The following MED13L variants were observed in gnomAD, a reference collection of about 807,000 sequenced individuals.
The protein encoded by MED13L is mediator of RNA polymerase II transcription subunit 13-like.
MED13L carries 7 observed loss-of-function variants against 220.9 expected under a neutral mutation model. The ratio of observed to expected loss-of-function variants is 0.03; its 90% confidence interval spans 0.02 to 0.06. MED13L has a LOEUF of 0.06. Among genes scored for constraint, MED13L ranks in the 10% least tolerant of loss-of-function variants. The probability of loss-of-function intolerance (pLI) is 1.00; values close to 1 mark genes in which losing one functional copy is unlikely to be tolerated. For synonymous variants in MED13L, 1,011 were observed against 1,015.2 expected (o/e 1.00, Z 0.08); for missense variants, 1,965 against 2,760.5 (o/e 0.71, Z 6.46).
At chr12:116,202,382 C>T (rs1882055185) in intron 2 of MED13L, among the ~76,000 whole-genome samples, 2 of 152,226 alleles carry the variant, frequency 1.3e-5, no homozygotes, top group African/African-American at 2.4e-5. Flanking sequence ...AATCATTTTA[C>T]AGAGCTTAAG....
chr12:116,265,688 C>T lies in MED13L; in HGVS notation c.72+11372G>A, dbSNP rs188924999. Among the ~76,000 whole-genome samples, 5 of 152,240 alleles carry T rather than the reference C, an allele frequency of 3.3e-5. No homozygotes were observed. In the East Asian group the frequency reaches 7.7e-4, roughly 23 times the overall value. Reference sequence around the variant, plus strand: ...AACATCATTTCTTAATCTAAATTGGCCTGCCCACACTTCAAATTTTCCACC... The same window carrying T: ...AACATCATTTCTTAATCTAAATTGGTCTGCCCACACTTCAAATTTTCCACC... On this transcript the variant is annotated intron_variant, in intron 1 of 30. Transcript: ENST00000281928.
intron 2 of MED13L, among the ~76,000 whole-genome samples, chr12:116,165,937 C>T (rs1484535883): frequency 1.3e-5 from 2 of 152,170 alleles, no homozygotes; most frequent in Non-Finnish European, 2.9e-5. Flanking sequence ...GTCTTTCGTT[C>T]CTGGAATACA....
intron 1 of MED13L, among the ~76,000 whole-genome samples, chr12:116,268,154 C>A (rs1395886500): frequency 6.6e-6 from 1 of 152,136 alleles, no homozygotes; most frequent in Non-Finnish European, 1.5e-5. Flanking sequence ...CCTGCAGAAG[C>A]TCATCTGATG....
At chr12:116,263,923 A>C (rs529699985) in intron 1 of MED13L, among the ~76,000 whole-genome samples, 120 of 152,312 alleles carry the variant, frequency 7.9e-4, no homozygotes, top group South Asian at 3.5e-3. Flanking sequence ...TATGAAAACA[A>C]AGTACACTGA....
chr12:116,257,256 G>A (rs551872648), intron 1 of MED13L, among the ~76,000 whole-genome samples: 7 of 152,092 alleles, frequency 4.6e-5, no homozygotes, highest in African/African-American at 7.2e-5. Context: ...TATTATTTAC[G>A]AGGCAGGCAC....
At chr12:116,078,174 A>G (rs1870960868) in intron 4 of MED13L, among the ~76,000 whole-genome samples, 1 of 151,768 alleles carries the variant, frequency 6.6e-6, no homozygotes, top group South Asian at 2.1e-4. Flanking sequence ...AGGAAGAAAA[A>G]CAATTAAAAT....
chr12:116,040,147 T>C (rs1019657422), intron 4 of MED13L, among the ~76,000 whole-genome samples: 1 of 152,234 alleles, frequency 6.6e-6, no homozygotes, highest in Non-Finnish European at 1.5e-5. Context: ...GTGGTGTTTT[T>C]TTCCTTAATT....
intron 4 of MED13L, among the ~76,000 whole-genome samples, chr12:116,078,223 A>T (rs969509718): frequency 7.2e-5 from 11 of 152,100 alleles, no homozygotes; most frequent in African/African-American, 2.2e-4. Flanking sequence ...TAAAGACTCA[A>T]ACATTCATCC....
intron 2 of MED13L, among the ~76,000 whole-genome samples, chr12:116,141,314 A>C (rs951211987): frequency 6.6e-6 from 1 of 152,236 alleles, no homozygotes; most frequent in Non-Finnish European, 1.5e-5. Flanking sequence ...AGGTGGCAGC[A>C]GCAGTACACT....
In MED13L at chr12:116,041,219, A is replaced by G. The variant is rs566209945; in HGVS notation, c.480-18618T>C. On this transcript the variant is annotated intron_variant, in intron 4 of 30. Transcript: ENST00000281928. The stretch of plus-strand genomic sequence containing the variant: ...ACATACCTCTTGCTGTTCTCATGAC[A>G]GAGTTACTTCTCAGGAGATCTGGCT... Among the ~76,000 whole-genome samples the G allele has an allele frequency of 1.1e-4, 16 of 152,288 alleles. No homozygotes were observed. The East Asian group carries it at 2.5e-3, about 24-fold the overall frequency.
rs1344156822 is a variant in MED13L at position 115,983,081 on chromosome 12, G to T, written c.4955+36C>A. The T allele has an allele frequency of 5.6e-6, 9 of 1,604,278 alleles. No homozygotes were observed. In the South Asian group the frequency reaches 9.9e-5, roughly 18 times the overall value. ...GAAGAAGAAGAGAGAAAGGGTCTGA[G>T]CTGAAGCCACTCATCTCAATTAGTG... On this transcript the variant is annotated intron_variant, in intron 21 of 30. Transcript: ENST00000281928.
chr12:116,045,594 C>T (rs1009862607), intron 4 of MED13L, among the ~76,000 whole-genome samples: 1 of 152,142 alleles, frequency 6.6e-6, no homozygotes, highest in East Asian at 1.9e-4. Flanking sequence ...CACAGCGTAT[C>T]TGGTAATAGT....
chr12:116,184,692 A>G (rs1880760497), intron 2 of MED13L, among the ~76,000 whole-genome samples: 1 of 152,180 alleles, frequency 6.6e-6, no homozygotes, highest in South Asian at 2.1e-4. Flanking sequence ...TATTCACCCC[A>G]CTAAAATAAA....
At chr12:116,069,853 T>C (rs1021172934) in intron 4 of MED13L, among the ~76,000 whole-genome samples, 13 of 152,260 alleles carry the variant, frequency 8.5e-5, no homozygotes, top group Non-Finnish European at 1.8e-4. Context: ...GTAAGATGTA[T>C]AGGAAATGCA....
rs35808476 is a variant in MED13L at position 116,003,497 on chromosome 12, C to CTT, written c.2470-397_2470-396dup. Among the ~76,000 whole-genome samples the CTT allele has an allele frequency of 8.1e-3, 1,148 of 141,388 alleles. 12 individuals carry two copies. The highest frequency in any genetic ancestry group is 0.028 in the African/African-American group (1,074 of 38,628). 92.8% of individuals were successfully genotyped at this position (141,388 alleles called of 152,430 possible). ...AGGCATAATCTCAAGCCCTCCAATT[C>CTT]TTTTTTTTTTTTTGCATTTATCACA... is the stretch of plus-strand genomic sequence containing the variant. On this transcript the variant is annotated intron_variant, in intron 13 of 30. Coordinates refer to ENST00000281928, the MANE Select transcript of MED13L (RefSeq NM_015335.5).
At chr12:116,072,635 A>G (rs1283659708) in intron 4 of MED13L, among the ~76,000 whole-genome samples, 1 of 152,094 alleles carries the variant, frequency 6.6e-6, no homozygotes, top group Admixed American at 6.5e-5. Flanking sequence ...TATTTTTAGT[A>G]GAGACAGGGT....
At chr12:116,099,245 T>G (rs1422180059) in intron 3 of MED13L, among the ~76,000 whole-genome samples, 1 of 152,204 alleles carries the variant, frequency 6.6e-6, no homozygotes, top group African/African-American at 2.4e-5. Context: ...ACTCTCATGC[T>G]GTCACATTTT....
chr12:116,187,417 C>T (rs1366103693), intron 2 of MED13L, among the ~76,000 whole-genome samples: 6 of 152,154 alleles, frequency 3.9e-5, no homozygotes, highest in African/African-American at 1.4e-4. Flanking sequence ...AATAATGCTC[C>T]TATGTCAGTG....
chr12:116,222,252 G>A lies in MED13L; in HGVS notation c.310+15216C>T, dbSNP rs538648199. ...GACATAATTTCCATAGTACAGACAA[G>A]AATGAAGACAAGCAAATTTAAATGT... On this transcript the variant is annotated intron_variant, in intron 2 of 30. Coordinates refer to ENST00000281928, the MANE Select transcript of MED13L (RefSeq NM_015335.5). Among the ~76,000 whole-genome samples, 13 of 152,246 alleles carry A rather than the reference G, an allele frequency of 8.5e-5. No homozygotes were observed. The South Asian group carries it at 2.7e-3, about 32-fold the overall frequency.
Sources: gnomAD v4.1 joint callset for allele counts (sites outside exome capture counted in the v4.1 genomes callset) on GRCh38, gnomAD v4.1.1 for gene constraint, MANE v1.5 for transcripts, NCBI Gene and HGNC (gene_info 2026-07-23, HGNC 2026-07-21) for gene names.